EPHA3: variants seen among roughly 807,000 people sequenced by gnomAD.
The protein encoded by EPHA3 is ephrin type-A receptor 3.
EPHA3 carries 42 observed loss-of-function variants against 107.1 expected under a neutral mutation model. The ratio of observed to expected loss-of-function variants is 0.39; its 90% CI spans 0.31 to 0.51. EPHA3 has a LOEUF of 0.51. EPHA3 is among the 20% of genes least tolerant of loss of function. The probability of loss-of-function intolerance (pLI) is 0.78; values close to 1 mark genes in which losing one functional copy is unlikely to be tolerated. For synonymous variants in EPHA3, 461 were observed against 424.8 expected (o/e 1.09, Z -1.05); for missense variants, 1,183 against 1,211.2 (o/e 0.98, Z 0.35).
chr3:89,125,592 G>A (rs76660297), intron 1 of EPHA3, among the ~76,000 whole-genome samples: 10 of 151,316 alleles, frequency 6.6e-5, no homozygotes, highest in South Asian at 2.1e-4. Context: ...TCCATGCAGC[G>A]GCTATCTATC....
At chr3:89,431,411 A>G in intron 13 of EPHA3, 52 bp downstream of exon 13, 1 of 1,494,602 alleles carries the variant, frequency 6.7e-7, no homozygotes, top group Non-Finnish European at 9.1e-7. Context: ...ATCTTGTATC[A>G]TGTTGATTTG....
intron 3 of EPHA3, among the ~76,000 whole-genome samples, chr3:89,260,301 A>G (rs1172689433): frequency 1.3e-5 from 2 of 152,156 alleles, no homozygotes. Flanking sequence ...TTTCACCCAC[A>G]GTATACTGGG....
At chr3:89,131,481 A>C (rs572111790) in intron 2 of EPHA3, among the ~76,000 whole-genome samples, 5 of 152,220 alleles carry the variant, frequency 3.3e-5, no homozygotes, top group Non-Finnish European at 7.3e-5. Context: ...GATAGTGTCT[A>C]TCTACCACGT....
intron 15 of EPHA3, among the ~76,000 whole-genome samples, chr3:89,458,916 A>G (rs1710157523): frequency 1.3e-5 from 2 of 152,204 alleles, no homozygotes; most frequent in Admixed American, 1.3e-4. Context: ...TTCTCAGCAA[A>G]CTAACACAGG....
intron 15 of EPHA3, among the ~76,000 whole-genome samples, chr3:89,470,790 C>T (rs907256312): frequency 8.5e-5 from 13 of 152,142 alleles, no homozygotes; most frequent in African/African-American, 3.1e-4. Flanking sequence ...GTCTAAAGGC[C>T]AGCTCTGCCT....
chr3:89,132,270 T>G (rs759838808), intron 2 of EPHA3, among the ~76,000 whole-genome samples: 1 of 152,188 alleles, frequency 6.6e-6, no homozygotes, highest in Admixed American at 6.5e-5. Flanking sequence ...CTGAATTACG[T>G]GAAAGAATGC....
chr3:89,326,182 C>T (rs1290024914), intron 3 of EPHA3, among the ~76,000 whole-genome samples: 1 of 151,712 alleles, frequency 6.6e-6, no homozygotes, highest in Non-Finnish European at 1.5e-5. Flanking sequence ...GGTTCCAGGA[C>T]CCCTGAGGAT....
At chr3:89,128,214 C>A (rs1704133009) in intron 2 of EPHA3, among the ~76,000 whole-genome samples, 2 of 152,076 alleles carry the variant, frequency 1.3e-5, no homozygotes, top group Non-Finnish European at 1.5e-5. Flanking sequence ...TTTTTGATAG[C>A]ACCAGCTTCT....
intron 1 of EPHA3, among the ~76,000 whole-genome samples, chr3:89,120,048 A>G (rs1707342120): frequency 6.6e-6 from 1 of 152,154 alleles, no homozygotes; most frequent in Admixed American, 6.5e-5. Context: ...TTTTATGATA[A>G]TATGATTTTT....
At chr3:89,156,817 G>T (rs1704817775) in intron 2 of EPHA3, among the ~76,000 whole-genome samples, 1 of 151,702 alleles carries the variant, frequency 6.6e-6, no homozygotes, top group Non-Finnish European at 1.5e-5. Context: ...AGATTCTGAT[G>T]ACTTTTGGTG....
At chr3:89,168,872 A>G (rs1705140892) in intron 2 of EPHA3, among the ~76,000 whole-genome samples, 1 of 152,144 alleles carries the variant, frequency 6.6e-6, no homozygotes, top group South Asian at 2.1e-4. Context: ...ATTCTGGTAC[A>G]CCATCAAAAA....
chr3:89,224,824 G>T (rs9809046), intron 3 of EPHA3, among the ~76,000 whole-genome samples: 1 of 151,378 alleles, frequency 6.6e-6, no homozygotes, highest in South Asian at 2.1e-4. Context: ...ACTCCAGCCT[G>T]GTCAACAGAG....
intron 3 of EPHA3, among the ~76,000 whole-genome samples, chr3:89,272,060 A>G (rs1034342934): frequency 6.6e-6 from 1 of 151,978 alleles, no homozygotes; most frequent in African/African-American, 2.4e-5. Flanking sequence ...CTTTATTGTA[A>G]TAATATAGTA....
chr3:89,229,830 C>A (rs1043595299), intron 3 of EPHA3, among the ~76,000 whole-genome samples: 1 of 151,840 alleles, frequency 6.6e-6, no homozygotes, highest in African/African-American at 2.4e-5. Context: ...TAAAGAAGAA[C>A]TTGATCGTTT....
intron 2 of EPHA3, among the ~76,000 whole-genome samples, chr3:89,145,860 A>G (rs1380144570): frequency 6.6e-6 from 1 of 151,746 alleles, no homozygotes; most frequent in African/African-American, 2.4e-5. Flanking sequence ...AGAAGACACC[A>G]CTGTGTAATA....
intron 3 of EPHA3, among the ~76,000 whole-genome samples, chr3:89,269,134 A>G (rs1705603421): frequency 6.6e-6 from 1 of 152,140 alleles, no homozygotes; most frequent in South Asian, 2.1e-4. Flanking sequence ...TTTAATGTAT[A>G]TCATGTGCAA....
At chr3:89,260,951 C>G (rs982832776) in intron 3 of EPHA3, among the ~76,000 whole-genome samples, 1 of 152,166 alleles carries the variant, frequency 6.6e-6, no homozygotes, top group Non-Finnish European at 1.5e-5. Flanking sequence ...TACATAGCAG[C>G]TGCTAAGCTA....
intron 2 of EPHA3, among the ~76,000 whole-genome samples, chr3:89,189,679 G>T (rs531018022): frequency 6.6e-6 from 1 of 152,160 alleles, no homozygotes; most frequent in Non-Finnish European, 1.5e-5. Flanking sequence ...TTTCCTGAAC[G>T]TTACTTTGAG....
chr3:89,273,747 C>A (rs1455145113), intron 3 of EPHA3, among the ~76,000 whole-genome samples: 2 of 151,826 alleles, frequency 1.3e-5, no homozygotes, highest in African/African-American at 2.4e-5. Context: ...TTTTAAGGCA[C>A]CTTATTTAAT....
Sources: gnomAD v4.1 joint callset for allele counts (sites outside exome capture counted in the v4.1 genomes callset) on GRCh38, gnomAD v4.1.1 for gene constraint, MANE v1.5 for transcripts, NCBI Gene and HGNC (gene_info 2026-07-23, HGNC 2026-07-21) for gene names.